ARVCF: variants seen among roughly 807,000 people sequenced by gnomAD.
The protein encoded by ARVCF is ARVCF delta catenin family member.
Under a neutral mutation model 90.9 loss-of-function variants are expected in ARVCF, and 66 were observed. That is an observed-to-expected ratio of 0.73 (90% CI 0.60 to 0.89). ARVCF has a LOEUF of 0.89. ARVCF is among the 40% of genes least tolerant of loss of function. The probability of loss-of-function intolerance (pLI) is 0.00; values close to 1 mark genes in which losing one functional copy is unlikely to be tolerated. For missense variants in ARVCF, 1,469 were observed against 1,382.3 expected (o/e 1.06, Z -1.00); for synonymous variants, 653 against 603.4 (o/e 1.08, Z -1.21).
intron 2 of ARVCF, among the ~76,000 whole-genome samples, chr22:19,992,106 G>A (rs546610988): frequency 4.0e-4 from 61 of 152,322 alleles, no homozygotes; most frequent in African/African-American, 8.7e-4. Flanking sequence ...AACACGGTGC[G>A]GGGACATGGG....
chr22:19,988,108 G>C (rs1314589128), intron 3 of ARVCF, among the ~76,000 whole-genome samples: 1 of 152,208 alleles, frequency 6.6e-6, no homozygotes, highest in East Asian at 1.9e-4. Flanking sequence ...CCTCCCACTG[G>C]CTTCTCCGCA....
At chr22:20,000,396 T>C (rs892964037) in intron 2 of ARVCF, among the ~76,000 whole-genome samples, 2 of 152,206 alleles carry the variant, frequency 1.3e-5, no homozygotes, top group Non-Finnish European at 2.9e-5. Context: ...CTCCAGCAAG[T>C]GCACAAAGTC....
Position 20,005,379 on chromosome 22 carries a change from A to AG in ARVCF, c.-19+5075_-19+5076insC, listed in dbSNP as rs909223820. 2.0e-5 allele frequency among the ~76,000 whole-genome samples: 3 copies of AG among 152,142 alleles called. No homozygotes were observed. The South Asian group carries it at 6.2e-4, about 32-fold the overall frequency. On this transcript the variant is annotated intron_variant, in intron 2 of 19. Transcript: ENST00000263207. ...CTATTAGGATGGCTAGTCTAAAAAA[A>AG]AAAAAAAAGTTTTGGCAGAGATACA...
At chr22:20,013,246 G>T (rs562313711) in intron 1 of ARVCF, among the ~76,000 whole-genome samples, 1 of 152,334 alleles carries the variant, frequency 6.6e-6, no homozygotes, top group East Asian at 1.9e-4. Flanking sequence ...CTTCTGCTGT[G>T]GACATTGAGG....
rs543310231 is a variant in ARVCF, at chr22:19,975,704, G to C, written c.1942C>G (p.Arg648Gly). The change falls in exon 11 of 20, where the codon CGA (arginine) becomes GGA (glycine). Residue 648 changes from arginine (R) to glycine (G), a missense_variant. Transcript: ENST00000263207. ...RNFDTLDLPK[R>G]TEAAKGFELL... ...CACTCACCTTTGGCGGCCTCAGTTC[G>C]CTTGGGCAGGTCTAGCGTGTCAAAG... is the stretch of plus-strand genomic sequence containing the variant. 9.9e-6 allele frequency: 16 copies of C among 1,613,638 alleles called. No homozygotes were observed. The South Asian group carries it at 1.6e-4, about 17-fold the overall frequency.
intron 2 of ARVCF, among the ~76,000 whole-genome samples, chr22:19,995,584 C>A (rs1372808133): frequency 2.0e-5 from 3 of 152,202 alleles, no homozygotes; most frequent in Non-Finnish European, 4.4e-5. Context: ...TTGACGACAT[C>A]TTGCCAACCC....
At chr22:19,977,243 A>G (rs1053819631) in intron 9 of ARVCF, among the ~76,000 whole-genome samples, 172 bp downstream of exon 9, 4 of 152,174 alleles carry the variant, frequency 2.6e-5, no homozygotes, top group African/African-American at 9.6e-5. Flanking sequence ...CCCATCAACC[A>G]TGTGACCCAG....
At chr22:19,998,476 G>A (rs1195703058) in intron 2 of ARVCF, among the ~76,000 whole-genome samples, 1 of 152,178 alleles carries the variant, frequency 6.6e-6, no homozygotes, top group African/African-American at 2.4e-5. Context: ...TGAGGTAGGA[G>A]AGCCTTCAGG....
At position 19,981,285 on chromosome 22, in the gene ARVCF, A is replaced by T; in HGVS notation, c.822T>A (p.Gly274=). Residue 274 remains glycine, a synonymous_variant, in exon 5 of 20, where the codon GGT becomes GGA. Coordinates refer to ENST00000263207, the MANE Select transcript of ARVCF (RefSeq NM_001670.3). The part of the protein sequence containing the change: ...DTRSLAADDE[G]GPELEPDYGT... ...CATAGTCAGGCTCCAGCTCAGGGCCACCCTCGTCATCAGCGGCCAGGCTGC... is the reference window on the plus strand; with the variant it reads ...CATAGTCAGGCTCCAGCTCAGGGCCTCCCTCGTCATCAGCGGCCAGGCTGC... The T allele has an allele frequency of 6.3e-7, 1 of 1,580,988 alleles. No individual in the cohort carries two copies. The highest frequency in any genetic ancestry group is 8.6e-7 in the Non-Finnish European group (1 of 1,165,358).
chr22:19,977,914 G>C, intron 8 of ARVCF, 44 bp downstream of exon 8: 1 of 1,545,514 alleles, frequency 6.5e-7, no homozygotes, highest in Non-Finnish European at 8.8e-7. Context: ...CTGCATGATC[G>C]TCTCTCCAGC....
chr22:19,993,988 C>T (rs574148011), intron 2 of ARVCF, among the ~76,000 whole-genome samples: 9 of 152,222 alleles, frequency 5.9e-5, no homozygotes, highest in East Asian at 1.9e-4. Context: ...GCAGGTGGCC[C>T]GAGGAGAGAA....
chr22:19,971,459 T>TAGC (rs1942781349), intron 18 of ARVCF, 124 bp from the exon 19 acceptor site: 2 of 1,223,764 alleles, frequency 1.6e-6, no homozygotes, highest in South Asian at 3.1e-5. Flanking sequence ...ACAGCACAGG[T>TAGC]AGCACCAAGG....
At chr22:19,985,122 TC>T (rs1475085443) in intron 3 of ARVCF, among the ~76,000 whole-genome samples, 3 of 152,050 alleles carry the variant, frequency 2.0e-5, no homozygotes, top group African/African-American at 2.4e-5. Context: ...TCTGGGCTGC[TC>T]CCCTCTGTAC....
At chr22:19,996,749 G>A (rs1469432135) in intron 2 of ARVCF, among the ~76,000 whole-genome samples, 1 of 152,194 alleles carries the variant, frequency 6.6e-6, no homozygotes, top group African/African-American at 2.4e-5. Flanking sequence ...TCCCCACCAG[G>A]CAGGCGAGTG....
intron 2 of ARVCF, among the ~76,000 whole-genome samples, chr22:20,001,944 AC>A (rs1055765993): frequency 6.6e-6 from 1 of 152,206 alleles, no homozygotes. Flanking sequence ...GGTCCTCCCA[AC>A]CCCAACAGCA....
At chr22:19,975,890 A>G in intron 10 of ARVCF, 133 bp from the exon 11 acceptor site, 3 of 851,942 alleles carry the variant, frequency 3.5e-6, no homozygotes, top group Non-Finnish European at 5.7e-6. Flanking sequence ...CACCTGTGGG[A>G]GTGGAGCACC....
Position 19,981,726 on chromosome 22 carries a change from A to C in ARVCF, c.381T>G (p.Thr127=), listed in dbSNP as rs1943515625. 1 of 1,565,860 alleles carries C rather than the reference A, an allele frequency of 6.4e-7. No homozygotes were observed. The highest frequency in any genetic ancestry group is 1.8e-5 in the Admixed American group (1 of 54,984). ...CTGTCCGAGTGGTCACCGTCTTGACAGTCTTGGTGACCTGGTGGATGGATA... is the reference window on the plus strand; with the variant it reads ...CTGTCCGAGTGGTCACCGTCTTGACCGTCTTGGTGACCTGGTGGATGGATA... ...TRRTETKVTK[T]VKTVTTRTVR... The change falls in exon 5 of 20, where the codon ACT becomes ACG. Residue 127 remains threonine (T), a synonymous_variant. Transcript: ENST00000263207.
At chr22:19,977,695 A>G in intron 8 of ARVCF, 109 bp from the exon 9 acceptor site, 2 of 1,406,764 alleles carry the variant, frequency 1.4e-6, no homozygotes, top group Non-Finnish European at 1.9e-6. Flanking sequence ...GCAAAGGAAC[A>G]GGGAGTCCTC....
At position 19,969,912 on chromosome 22, in the gene ARVCF, A is replaced by C. The variant is rs147371346; in HGVS notation, c.*844T>G. 3.0e-6 allele frequency: 3 copies of C among 985,530 alleles called. No homozygotes were observed. The African/African-American group carries it at 5.2e-5, about 17-fold the overall frequency. 61.0% of individuals were successfully genotyped at this position (985,530 alleles called of 1,614,324 possible). On this transcript the variant is annotated 3_prime_UTR_variant, in exon 20 of 20. Transcript: ENST00000263207. ...AGCAAAAAGTTCCTTTGCTGCTTTA[A>C]TTTTTAAATTTTCTTACAAAAATTT... is the stretch of plus-strand genomic sequence containing the variant.
Sources: gnomAD v4.1 joint callset for allele counts (sites outside exome capture counted in the v4.1 genomes callset) on GRCh38, gnomAD v4.1.1 for gene constraint, MANE v1.5 for transcripts, NCBI Gene and HGNC (gene_info 2026-07-23, HGNC 2026-07-21) for gene names.